Variants in HYAL4 observed in about 807,000 individuals in gnomAD.
The protein encoded by HYAL4 is hyaluronidase 4.
Under a neutral mutation model 35.2 loss-of-function variants are expected in HYAL4, and 37 were observed. That is an observed-to-expected ratio of 1.05 (90% CI 0.81 to 1.38). HYAL4 has a LOEUF of 1.38. HYAL4 is among the 40% of genes most tolerant of loss of function. The pLI, the probability that HYAL4 is intolerant of heterozygous loss-of-function variation, is 0.00. For synonymous variants in HYAL4, 198 were observed against 203.2 expected, an observed-to-expected ratio of 0.97 and a Z score of 0.22; for missense variants, 572 against 572.4, an observed-to-expected ratio of 1.00 and a Z score of 0.01.
In HYAL4 at chr7:123,868,575, A is replaced by G. The variant is rs566715243; in HGVS notation, c.302A>G (p.Tyr101Cys). The change falls in exon 3 of 5, where the codon TAT (tyrosine) becomes TGT (cysteine). Residue 101 changes from tyrosine to cysteine, a missense_variant. Physicochemically the swap from Tyr to Cys is radical, Grantham distance 194. Transcript: ENST00000223026. ...YVNRLGYYPWYTSQGVPINGG... is the reference protein window; with the variant it reads ...YVNRLGYYPWCTSQGVPINGG... ...AACAGATTGGGATACTATCCGTGGT[A>G]TACATCACAAGGGGTCCCCATTAAT... The G allele has an allele frequency of 1.9e-6, 3 of 1,614,178 alleles. No individual in the cohort carries two copies. The highest frequency in any genetic ancestry group is 1.3e-5 in the African/African-American group (1 of 75,056).
the HYAL4 span, among the ~76,000 whole-genome samples, chr7:123,773,702 C>A: frequency 6.6e-6 from 1 of 152,158 alleles, no homozygotes; most frequent in Non-Finnish European, 1.5e-5. Flanking sequence ...TGAGTCAGAC[C>A]TTTACTGTTT....
chr7:123,877,027 G>A lies in HYAL4; in HGVS notation c.1318G>A (p.Gly440Arg). ...ADTFSCHCYQGYEGADCREIK... is the reference protein window; with the variant it reads ...ADTFSCHCYQRYEGADCREIK... Reference sequence around the variant, plus strand: ...TACATTTTCCTGTCATTGTTATCAGGGATATGAAGGAGCTGATTGCAGAGA... The same window carrying A: ...TACATTTTCCTGTCATTGTTATCAGAGATATGAAGGAGCTGATTGCAGAGA... Residue 440 changes from glycine (G) to arginine (R), a missense_variant, in exon 5 of 5, where the codon GGA becomes AGA. Gly to Arg is a moderately radical substitution (Grantham distance 125). Transcript: ENST00000223026. The A allele has an allele frequency of 1.2e-6, 2 of 1,614,200 alleles. No individual in the cohort carries two copies. Among genetic ancestry groups the A allele is most frequent in the African/African-American group, 1.3e-5 (1 of 75,048 alleles).
chr7:123,866,716 A>G (rs1358866243), intron 2 of HYAL4, among the ~76,000 whole-genome samples: 1 of 152,178 alleles, frequency 6.6e-6, no homozygotes, highest in Non-Finnish European at 1.5e-5. Context: ...ACTAAAAAAT[A>G]ACTTGACAAA....
chr7:123,828,191 T>A (rs1299810632), upstream of HYAL4, among the ~76,000 whole-genome samples: 1 of 152,142 alleles, frequency 6.6e-6, no homozygotes, highest in African/African-American at 2.4e-5. Context: ...TAGCATTTGG[T>A]GTAAATAATG....
At chr7:123,771,735 C>G in the HYAL4 span, among the ~76,000 whole-genome samples, 2 of 150,580 alleles carry the variant, frequency 1.3e-5, no homozygotes, top group Non-Finnish European at 1.5e-5. Flanking sequence ...CTGAGAGTGT[C>G]TGTGAGGGTG....
At chr7:123,789,682 T>C in the HYAL4 span, among the ~76,000 whole-genome samples, 6 of 152,210 alleles carry the variant, frequency 3.9e-5, no homozygotes, top group South Asian at 1.2e-3. Flanking sequence ...ACATTTTTCT[T>C]GTCAAAGTAA....
rs7782290 is a variant in HYAL4 at position 123,874,474 on chromosome 7, G to A, written c.955-287G>A. Among the ~76,000 whole-genome samples the A allele has an allele frequency of 4.2e-3, 644 of 152,148 alleles. 4 individuals are homozygous for A. Among genetic ancestry groups the A allele is most frequent in the Admixed American group, 6.7e-3 (103 of 15,292 alleles). ...GCTGGAGTGCAATGGTGCGATCTCG[G>A]CTCACTGCAACCTCCGTCTCCTGGG... On this transcript the variant is annotated intron_variant, in intron 3 of 4. Transcript: ENST00000223026.
At chr7:123,787,338 G>T in the HYAL4 span, among the ~76,000 whole-genome samples, 4 of 151,768 alleles carry the variant, frequency 2.6e-5, no homozygotes, top group Admixed American at 2.6e-4. Context: ...TGACAGGTCA[G>T]CTGAGGAGAG....
At chr7:123,836,905 G>A (rs898051231) in intron 1 of HYAL4, among the ~76,000 whole-genome samples, 1 of 152,078 alleles carries the variant, frequency 6.6e-6, no homozygotes, top group African/African-American at 2.4e-5. Context: ...GTGGGTGCCT[G>A]TAATCCCAGT....
At chr7:123,846,746 C>T (rs1230625342) in intron 1 of HYAL4, among the ~76,000 whole-genome samples, 1 of 152,142 alleles carries the variant, frequency 6.6e-6, no homozygotes, top group Non-Finnish European at 1.5e-5. Context: ...CCTCTGGCAG[C>T]CCTCCCCAAG....
the HYAL4 span, among the ~76,000 whole-genome samples, chr7:123,777,850 T>C: frequency 2.0e-5 from 3 of 151,914 alleles, no homozygotes; most frequent in Admixed American, 6.6e-5. Context: ...AGTTTATTTT[T>C]CCATCTCCTT....
intron 2 of HYAL4, among the ~76,000 whole-genome samples, chr7:123,850,023 G>T (rs1806267168): frequency 6.7e-6 from 1 of 149,976 alleles, no homozygotes; most frequent in Middle Eastern, 3.2e-3. Flanking sequence ...AGTGACACTG[G>T]ATTTACCTGT....
upstream of HYAL4, among the ~76,000 whole-genome samples, chr7:123,828,744 C>G (rs1262194608): frequency 6.6e-6 from 1 of 152,050 alleles, no homozygotes; most frequent in East Asian, 1.9e-4. Context: ...GGAAATGATA[C>G]GAATTTGGTT....
chr7:123,843,196 C>G (rs1381880678), upstream of HYAL4, among the ~76,000 whole-genome samples: 1 of 151,904 alleles, frequency 6.6e-6, no homozygotes, highest in African/African-American at 2.4e-5. Context: ...CAGGCCTGGT[C>G]CTGACAAAAT....
At chr7:123,765,627 AAAAAT>A in the HYAL4 span, among the ~76,000 whole-genome samples, 1 of 152,220 alleles carries the variant, frequency 6.6e-6, no homozygotes, top group African/African-American at 2.4e-5. Context: ...CAATAAAAGA[AAAAAT>A]AACTTTTAAA....
At chr7:123,840,900 G>A (rs1200857656), upstream of HYAL4, among the ~76,000 whole-genome samples, 6 of 151,880 alleles carry the variant, frequency 4.0e-5, 1 homozygote, top group Non-Finnish European at 8.8e-5. Context: ...GAGACGATGG[G>A]GTTTTCTAAA....
At chr7:123,870,757 C>A (rs1283401608) in intron 3 of HYAL4, among the ~76,000 whole-genome samples, 1 of 142,866 alleles carries the variant, frequency 7.0e-6, no homozygotes, top group Non-Finnish European at 1.5e-5. Flanking sequence ...GAAACTCCAT[C>A]TCAAAAAAAA....
chr7:123,863,110 A>G (rs1806611887), intron 2 of HYAL4, among the ~76,000 whole-genome samples: 1 of 152,084 alleles, frequency 6.6e-6, no homozygotes, highest in South Asian at 2.1e-4. Context: ...ATCCTGCCTT[A>G]TTTATTTTTC....
chr7:123,773,294 C>T, the HYAL4 span, among the ~76,000 whole-genome samples: 260 of 152,102 alleles, frequency 1.7e-3, 1 homozygote, highest in African/African-American at 6.0e-3. Context: ...CAGATTTGAC[C>T]TATTTCTACA....
Sources: allele counts gnomAD v4.1 joint callset (sites outside exome capture counted in the v4.1 genomes callset), GRCh38; gene constraint gnomAD v4.1.1; transcripts MANE v1.5; gene names NCBI Gene and HGNC (gene_info 2026-07-23, HGNC 2026-07-21).